Variants in TP63 observed in about 807,000 individuals in gnomAD.
TP63 encodes tumor protein 63.
A neutral mutation model predicts 82.8 loss-of-function variants in TP63; 17 were observed. The ratio of observed to expected loss-of-function variants is 0.21; its 90% CI spans 0.14 to 0.31. The LOEUF is 0.31. TP63 is among the 10% of genes least tolerant of loss of function. The pLI is 1.00. For synonymous variants in TP63, 330 were observed against 321.7 expected (o/e 1.03, Z -0.28); for missense variants, 648 against 895.3 (o/e 0.72, Z 3.52).
In TP63 at chr3:189,803,853, G is replaced by A. The variant is rs111794153; in HGVS notation, c.325-4419G>A. Among the ~76,000 whole-genome samples the A allele has an allele frequency of 8.2e-3, 1,248 of 152,292 alleles. 19 individuals are homozygous for A. Among genetic ancestry groups the A allele is most frequent in the South Asian group, 0.044 (213 of 4,826 alleles). On this transcript the variant is annotated intron_variant, in intron 3 of 13. Transcript: ENST00000264731. ...TTTCACAGTAGATATCACAGAAGTT[G>A]TGTTCATTTTTGCCTTTATGTTTTG... is the stretch of plus-strand genomic sequence containing the variant.
At chr3:189,861,639 AG>A (rs1717055359) in intron 4 of TP63, among the ~76,000 whole-genome samples, 1 of 152,208 alleles carries the variant, frequency 6.6e-6, no homozygotes, top group Admixed American at 6.5e-5. Context: ...TAAATGAGTA[AG>A]CAATATACTG....
At chr3:189,852,837 C>T (rs778822340) in intron 4 of TP63, among the ~76,000 whole-genome samples, 6 of 152,074 alleles carry the variant, frequency 3.9e-5, no homozygotes, top group Non-Finnish European at 7.4e-5. Context: ...GACTTCTGCT[C>T]GGCTACTCCT....
At chr3:189,678,870 A>C (rs1715669671) in intron 1 of TP63, among the ~76,000 whole-genome samples, 1 of 151,976 alleles carries the variant, frequency 6.6e-6, no homozygotes, top group Non-Finnish European at 1.5e-5. Context: ...GCTATTGTAA[A>C]TGAGGTTTAC....
intron 4 of TP63, among the ~76,000 whole-genome samples, chr3:189,855,181 A>AAACAAAAATACAATTGAAG (rs1716131840): frequency 6.6e-6 from 1 of 152,210 alleles, no homozygotes; most frequent in Admixed American, 6.5e-5. Context: ...CGAGCAGAAG[A>AAACAAAAATACAATTGAAG]AACAAAAATA....
chr3:189,860,339 G>A (rs1716868204), intron 4 of TP63, among the ~76,000 whole-genome samples: 1 of 152,262 alleles, frequency 6.6e-6, no homozygotes, highest in Middle Eastern at 3.4e-3. Flanking sequence ...AGATTCCCAT[G>A]TTCCAATCTT....
At chr3:189,639,792 T>A (rs552722229) in intron 1 of TP63, among the ~76,000 whole-genome samples, 5 of 152,262 alleles carry the variant, frequency 3.3e-5, no homozygotes, top group African/African-American at 9.6e-5. Context: ...TTAATCTTTT[T>A]AAACAGATGT....
At position 189,893,999 on chromosome 3, in the gene TP63, C is replaced by T. The variant is rs577715239; in HGVS notation, c.1747-207C>T. Among the ~76,000 whole-genome samples the T allele has an allele frequency of 2.0e-5, 3 of 152,284 alleles. No individual in the cohort carries two copies. In the South Asian group the frequency reaches 6.2e-4, roughly 32 times the overall value. ...TAGAGACTAAGTGAAGTGTTCTACA[C>T]AGGCAGGAAAGACACCTCAAGGCTG... On this transcript the variant is annotated intron_variant, in intron 13 of 13. Transcript: ENST00000264731.
At chr3:189,778,472 A>G (rs991809919) in intron 3 of TP63, among the ~76,000 whole-genome samples, 1 of 152,224 alleles carries the variant, frequency 6.6e-6, no homozygotes, top group African/African-American at 2.4e-5. Context: ...TATTATGTGA[A>G]CCAGTAAACA....
intron 10 of TP63, among the ~76,000 whole-genome samples, chr3:189,878,668 C>A (rs1378119183): frequency 6.6e-6 from 1 of 151,352 alleles, no homozygotes; most frequent in African/African-American, 2.4e-5. Context: ...ACGTTGTGAT[C>A]CCCCCGACCT....
At chr3:189,855,910 C>T (rs761025628) in intron 4 of TP63, among the ~76,000 whole-genome samples, 8 of 151,924 alleles carry the variant, frequency 5.3e-5, no homozygotes, top group Non-Finnish European at 1.0e-4. Context: ...TTTAAATTTT[C>T]TGTAACGGCT....
chr3:189,874,058 T>TA (rs1287146238), intron 10 of TP63, among the ~76,000 whole-genome samples: 2 of 152,172 alleles, frequency 1.3e-5, no homozygotes, highest in Non-Finnish European at 2.9e-5. Context: ...GTGGAAAGTG[T>TA]AATAAAGAGG....
At chr3:189,847,116 T>C (rs1451880476) in intron 4 of TP63, among the ~76,000 whole-genome samples, 1 of 152,080 alleles carries the variant, frequency 6.6e-6, no homozygotes, top group Admixed American at 6.5e-5. Flanking sequence ...CCAGCACTTC[T>C]GGAGATTGAG....
chr3:189,642,584 G>A (rs1044449216), intron 1 of TP63, among the ~76,000 whole-genome samples: 10 of 151,922 alleles, frequency 6.6e-5, no homozygotes, highest in African/African-American at 2.4e-4. Context: ...GATAATAGTA[G>A]TACCTACCTG....
At chr3:189,759,876 T>G (rs1351184828) in intron 3 of TP63, among the ~76,000 whole-genome samples, 1 of 152,172 alleles carries the variant, frequency 6.6e-6, no homozygotes, top group Non-Finnish European at 1.5e-5. Context: ...CAGTTCCACA[T>G]GGCCTGAGAG....
intron 1 of TP63, among the ~76,000 whole-genome samples, chr3:189,674,242 T>C (rs890624273): frequency 6.6e-6 from 1 of 152,134 alleles, no homozygotes; most frequent in Non-Finnish European, 1.5e-5. Context: ...GAGATAGCAT[T>C]GTTCCAGGAC....
intron 3 of TP63, among the ~76,000 whole-genome samples, chr3:189,790,632 A>G (rs190928147): frequency 3.9e-5 from 6 of 152,030 alleles, no homozygotes; most frequent in South Asian, 2.1e-4. Flanking sequence ...GAAGTTTCCT[A>G]AGGTTGAGGG....
intron 3 of TP63, among the ~76,000 whole-genome samples, chr3:189,792,472 G>T (rs1482852085): frequency 6.6e-6 from 1 of 152,088 alleles, no homozygotes; most frequent in Non-Finnish European, 1.5e-5. Flanking sequence ...GTATGTGTGT[G>T]AGTGGGGAGG....
intron 3 of TP63, among the ~76,000 whole-genome samples, chr3:189,802,553 TAC>T (rs1341908770): frequency 1.3e-5 from 2 of 152,234 alleles, no homozygotes; most frequent in Admixed American, 6.5e-5. Flanking sequence ...TCCTCAATTT[TAC>T]ACAGACTTTG....
the TP63 span, among the ~76,000 whole-genome samples, chr3:189,617,529 A>G: frequency 6.6e-6 from 1 of 152,146 alleles, no homozygotes; most frequent in South Asian, 2.1e-4. Context: ...TGAGGTTGCA[A>G]AAGTCTACAC....
Sources: allele counts gnomAD v4.1 joint callset (sites outside exome capture counted in the v4.1 genomes callset), GRCh38; gene constraint gnomAD v4.1.1; transcripts MANE v1.5; gene names NCBI Gene and HGNC (gene_info 2026-07-23, HGNC 2026-07-21).